Variants in OSCP1 observed in about 807,000 individuals in gnomAD.
The protein encoded by OSCP1 is protein OSCP1.
In OSCP1, 35 loss-of-function variants were observed where a neutral mutation model predicts 45.1. That is an observed-to-expected ratio of 0.78 (90% CI 0.59 to 1.03). OSCP1 has a LOEUF of 1.03. Ranked by LOEUF, OSCP1 falls within the 50% of genes least tolerant of loss-of-function variation. OSCP1 has a pLI of 0.00. For missense variants in OSCP1, 400 were observed against 470.7 expected (o/e 0.85, Z 1.39); for synonymous variants, 179 against 180.1 (o/e 0.99, Z 0.05).
rs1457742617 is a variant in OSCP1, at chr1:36,419,059, A to G, written c.960-5T>C. 18 of 1,609,994 alleles carry G rather than the reference A, an allele frequency of 1.1e-5. No homozygotes were observed. The East Asian group carries it at 3.8e-4, about 34-fold the overall frequency. The stretch of plus-strand genomic sequence containing the variant: ...GGCCTGGTTAGCGCTGCTTGTCTGG[A>G]TGAGATGGTAAAGAAAATGGGTGCA... On this transcript the variant is annotated splice_polypyrimidine_tract_variant and splice_region_variant and intron_variant, in intron 8 of 9. Coordinates refer to ENST00000235532, the MANE Select transcript of OSCP1 (RefSeq NM_145047.5).
At chr1:36,433,533 A>T (rs1454102256) in intron 2 of OSCP1, among the ~76,000 whole-genome samples, 1 of 152,138 alleles carries the variant, frequency 6.6e-6, no homozygotes, top group Non-Finnish European at 1.5e-5. Context: ...CTGAAAAACT[A>T]ACTATTGGGT....
At chr1:36,431,265 T>C (rs188883332) in intron 4 of OSCP1, among the ~76,000 whole-genome samples, 134 of 151,092 alleles carry the variant, frequency 8.9e-4, no homozygotes, top group Non-Finnish European at 1.7e-3. Context: ...GACAAAAGGG[T>C]GAGGAAGGAG....
intron 2 of OSCP1, among the ~76,000 whole-genome samples, chr1:36,436,810 T>A (rs1326436884): frequency 6.6e-6 from 1 of 152,230 alleles, no homozygotes; most frequent in African/African-American, 2.4e-5. Context: ...TCTGCTGTCC[T>A]GTGTCCTTGG....
rs765324576 is a variant in OSCP1, at chr1:36,420,463, G to T, written c.959+13C>A. 1.9e-6 allele frequency: 3 copies of T among 1,612,440 alleles called. No homozygotes were observed. The highest frequency in any genetic ancestry group is 2.2e-5 in the South Asian group (2 of 90,726). ...TTTTTATATGTCTTTAACGAAACAGGTTTAAAACATACTCCTCTTCTTCAT... is the reference window on the plus strand; with the variant it reads ...TTTTTATATGTCTTTAACGAAACAGTTTTAAAACATACTCCTCTTCTTCAT... On this transcript the variant is annotated intron_variant, in intron 8 of 9. Transcript: ENST00000235532.
In OSCP1 at chr1:36,447,504, T is replaced by C. The variant is rs1327831375; in HGVS notation, c.112+2754A>G. Among the ~76,000 whole-genome samples the C allele has an allele frequency of 2.0e-5, 3 of 151,922 alleles. No individual in the cohort carries two copies. Among genetic ancestry groups the C allele is most frequent in the Non-Finnish European group, 4.4e-5 (3 of 67,942 alleles). ...GGGACATTGGCTGAGTATGAGGACA[T>C]TGGTTATATGAGGGGACATTGGTTA... On this transcript the variant is annotated intron_variant, in intron 1 of 9. Transcript: ENST00000235532. This position sits in a 1 kb window ranked among gnomAD's most constrained non-coding sequence, Gnocchi z 4.1.
Position 36,418,160 on chromosome 1 carries a change from G to T in OSCP1, c.1119C>A (p.Leu373=). The T allele has an allele frequency of 6.2e-7, 1 of 1,614,090 alleles. No homozygotes were observed. Among genetic ancestry groups the T allele is most frequent in the African/African-American group, 1.3e-5 (1 of 75,048 alleles). The change falls in exon 10 of 10, where the codon CTC becomes CTA. Residue 373 remains leucine (L), a synonymous_variant. Coordinates refer to ENST00000235532, the MANE Select transcript of OSCP1 (RefSeq NM_145047.5). ...ACAGCTATAACTCATCCATCATGGC[G>T]AGCAAATCGTCCCCTTTGCTGGTGC... is the stretch of plus-strand genomic sequence containing the variant. ...RLSTSKGDDL[L]AMMDEL
intron 2 of OSCP1, among the ~76,000 whole-genome samples, chr1:36,437,267 G>T (rs1648807445): frequency 6.6e-6 from 1 of 151,120 alleles, no homozygotes; most frequent in East Asian, 1.9e-4. Context: ...TATTTATGTG[G>T]AATTATTATT....
Position 36,418,154 on chromosome 1 carries a change from C to G in OSCP1, c.1125G>C (p.Met375Ile). The change falls in exon 10 of 10, where the codon ATG becomes ATC. Residue 375 changes from methionine to isoleucine, a missense_variant. Physicochemically the swap from Met to Ile is conservative, Grantham distance 10. Transcript: ENST00000235532. ...GTCAGAACAGCTATAACTCATCCAT[C>G]ATGGCGAGCAAATCGTCCCCTTTGC... ...STSKGDDLLA[M>I]MDEL 2 of 1,614,170 alleles carry G rather than the reference C, an allele frequency of 1.2e-6. No individual in the cohort carries two copies. Among genetic ancestry groups the G allele is most frequent in the South Asian group, 2.2e-5 (2 of 91,076 alleles).
At chr1:36,448,770 T>C (rs1649690390) in intron 1 of OSCP1, among the ~76,000 whole-genome samples, 1 of 152,040 alleles carries the variant, frequency 6.6e-6, no homozygotes. Flanking sequence ...AGCAGTTTGG[T>C]ATTATTGGGA....
Position 36,418,049 on chromosome 1 carries a change from T to A in OSCP1, c.*90A>T. 1.0e-6 allele frequency: 1 copy of A among 981,454 alleles called. No individual in the cohort carries two copies. The highest frequency in any genetic ancestry group is 1.6e-6 in the Non-Finnish European group (1 of 642,958). 60.8% of individuals were successfully genotyped at this position (981,454 alleles called of 1,614,324 possible). On this transcript the variant is annotated 3_prime_UTR_variant, in exon 10 of 10. Coordinates refer to ENST00000235532, the MANE Select transcript of OSCP1 (RefSeq NM_145047.5). Reference sequence around the variant, plus strand: ...GTAATGGCTTCACTCAGTAGAAAACTAGCAGCATCATTCTGGGCCATGGGG... The same window carrying A: ...GTAATGGCTTCACTCAGTAGAAAACAAGCAGCATCATTCTGGGCCATGGGG...
chr1:36,434,749 CAAAAAAAAAAAA>C (rs71053933), intron 2 of OSCP1, among the ~76,000 whole-genome samples: 1 of 69,862 alleles, frequency 1.4e-5, no homozygotes, highest in Non-Finnish European at 2.8e-5. Context: ...GACTTTGTCT[CAAAAAAAAAAAA>C]AAAAAAAAAA....
intron 1 of OSCP1, among the ~76,000 whole-genome samples, chr1:36,446,430 A>C (rs77399571): frequency 0.083 from 12,682 of 152,248 alleles, 577 homozygotes; most frequent in Middle Eastern, 0.16. Flanking sequence ...GTGGTGCTGC[A>C]AGGGGGTCAT....
intron 3 of OSCP1, 105 bp from the exon 4 acceptor site, chr1:36,431,987 G>A (rs1330992765): frequency 2.0e-6 from 2 of 1,008,954 alleles, no homozygotes; most frequent in East Asian, 2.5e-5. Context: ...GATAGGTAAG[G>A]AGAGGACTGG....
chr1:36,422,780 A>C lies in OSCP1; in HGVS notation c.737T>G (p.Leu246Arg). The C allele has an allele frequency of 6.3e-7, 1 of 1,589,884 alleles. No individual in the cohort carries two copies. The highest frequency in any genetic ancestry group is 8.6e-7 in the Non-Finnish European group (1 of 1,166,470). ...FELYGDRVLK[L>R]GTNMYSVNQP... ...AGAATTTGCTTACATGTTAGTTCCCAGTTTCAGGACTCGGTCTCCATAAAG... is the reference window on the plus strand; with the variant it reads ...AGAATTTGCTTACATGTTAGTTCCCCGTTTCAGGACTCGGTCTCCATAAAG... The change falls in exon 6 of 10, where the codon CTG (leucine) becomes CGG (arginine). Residue 246 changes from leucine to arginine, a missense_variant. Coordinates refer to ENST00000235532, the MANE Select transcript of OSCP1 (RefSeq NM_145047.5).
chr1:36,440,767 C>G (rs1407283867), intron 1 of OSCP1: 1 of 152,140 alleles, frequency 6.6e-6, no homozygotes, highest in Admixed American at 6.5e-5. Context: ...AATTGAAAAG[C>G]CACACATAAG....
chr1:36,418,105 C>T lies in OSCP1; in HGVS notation c.*34G>A. 6.3e-7 allele frequency: 1 copy of T among 1,590,568 alleles called. No homozygotes were observed. ...CCCAGGGGTCACCATCCAGCAGCCT[C>T]TCCCTGGGGGCAGAGGACGCCTGGT... is the stretch of plus-strand genomic sequence containing the variant. On this transcript the variant is annotated 3_prime_UTR_variant, in exon 10 of 10. Transcript: ENST00000235532.
At chr1:36,424,622 T>C (rs1647855231) in intron 4 of OSCP1, among the ~76,000 whole-genome samples, 3 of 152,186 alleles carry the variant, frequency 2.0e-5, no homozygotes. Flanking sequence ...AGGATGGGGC[T>C]GGGGCAGGGG....
rs966869662 is a variant in OSCP1 at position 36,447,720 on chromosome 1, T to A, written c.112+2538A>T. 10 of 243,000 alleles carry A rather than the reference T, an allele frequency of 4.1e-5. No homozygotes were observed. Among genetic ancestry groups the A allele is most frequent in the Non-Finnish European group, 8.8e-5 (10 of 113,798 alleles). The allele number at this position is 243,000 out of a possible 1,614,324, so 15.1% of individuals were successfully genotyped here. Reference sequence around the variant, plus strand: ...GGATTAAGGTGTTTAAGAGGAGCCCTTGGTACAAAGTAAGTGCTTGATTTT... The same window carrying A: ...GGATTAAGGTGTTTAAGAGGAGCCCATGGTACAAAGTAAGTGCTTGATTTT... On this transcript the variant is annotated intron_variant, in intron 1 of 9. Transcript: ENST00000235532. The surrounding 1 kb of genome is among the most constrained non-coding windows in gnomAD (Gnocchi z 4.1).
intron 4 of OSCP1, among the ~76,000 whole-genome samples, chr1:36,423,873 C>CA (rs1384981722): frequency 6.7e-6 from 1 of 149,584 alleles, no homozygotes; most frequent in Non-Finnish European, 1.5e-5. Flanking sequence ...GACTTCATCT[C>CA]AAAAAAATAA....
Sources: gnomAD v4.1 joint callset for allele counts (sites outside exome capture counted in the v4.1 genomes callset) on GRCh38, gnomAD v4.1.1 for gene constraint, Gnocchi (gnomAD v3.1) non-coding constraint, MANE v1.5 for transcripts, NCBI Gene and HGNC (gene_info 2026-07-23, HGNC 2026-07-21) for gene names.